The following RAB24 variants were observed in gnomAD, a reference collection of about 807,000 sequenced individuals.
RAB24 encodes RAB24, member RAS oncogene family.
A neutral mutation model predicts 31.4 loss-of-function variants in RAB24; 9 were observed. The observed-to-expected ratio is 0.29, with a 90% CI of 0.17 to 0.50. RAB24 has a LOEUF of 0.50. RAB24 is among the 20% of genes least tolerant of loss of function. RAB24 has a pLI of 0.98. For synonymous variants in RAB24, 106 were observed against 94.1 expected, an observed-to-expected ratio of 1.13 and a Z score of -0.73; for missense variants, 197 against 265.2, an observed-to-expected ratio of 0.74 and a Z score of 1.79.
At position 177,302,583 on chromosome 5, in the gene RAB24, T is replaced by C. The variant is rs1175603286; in HGVS notation, c.327A>G (p.Leu109=). ...AKFWVKELRS[L]EEGCQIYLCG... ...GTGAGGTCTGTTCACCTACCTCCTC[T>C]AGGCTGCGCAGTTCCTTCACCCAGA... The change falls in exon 4 of 8, where the codon CTA becomes CTG. Residue 109 remains leucine (L), a synonymous_variant. Coordinates refer to ENST00000303251, the MANE Select transcript of RAB24 (RefSeq NM_001031677.4). The C allele has an allele frequency of 2.0e-5, 33 of 1,614,046 alleles. No homozygotes were observed. The highest frequency in any genetic ancestry group is 2.7e-5 in the Non-Finnish European group (32 of 1,180,034).
chr5:177,303,393 C>A lies in RAB24; in HGVS notation c.-105G>T, dbSNP rs1760754274. ...GCGCCCAAGCCTCAGACCCCGACCC[C>A]AAACGGCGCCAACCTACGACTCCAG... On this transcript the variant is annotated 5_prime_UTR_variant, in exon 1 of 8. Transcript: ENST00000303251. The surrounding 1 kb of genome is among the most constrained non-coding windows in gnomAD (Gnocchi z 6.1). The A allele has an allele frequency of 9.1e-7, 1 of 1,093,664 alleles. No homozygotes were observed. Among genetic ancestry groups the A allele is most frequent in the Non-Finnish European group, 1.4e-6 (1 of 739,426 alleles). The allele number at this position is 1,093,664 out of a possible 1,614,324, so 67.7% of individuals were successfully genotyped here. A position where few individuals can be genotyped will look rare whatever the true frequency, so the allele number is the denominator to read the frequency against.
In RAB24 at chr5:177,302,634, G is replaced by A; in HGVS notation, c.276C>T (p.Asp92=). 6.2e-7 allele frequency: 1 copy of A among 1,614,106 alleles called. No homozygotes were observed. The highest frequency in any genetic ancestry group is 8.5e-7 in the Non-Finnish European group (1 of 1,180,024). The change falls in exon 4 of 8, where the codon GAC becomes GAT. Residue 92 remains aspartate (D), a synonymous_variant. Transcript: ENST00000303251. ...ACTTTGCTCGCTCAAAGCTGCTGCT[G>A]TCTGTGAGGTCTTGGTGTGCGGCAT... The part of the protein sequence containing the change: ...KAAIVCYDLT[D]SSSFERAKFW...
At position 177,302,744 on chromosome 5, in the gene RAB24, C is replaced by G. The variant is rs1461391268; in HGVS notation, c.265+8G>C. The G allele has an allele frequency of 1.2e-6, 2 of 1,602,334 alleles. No homozygotes were observed. Among genetic ancestry groups the G allele is most frequent in the Non-Finnish European group, 1.7e-6 (2 of 1,170,088 alleles). ...TTGTGAGACAGCCCAAACCCCCCCCCCCCTTACCATAGCAGACGATGGCAG... is the reference window on the plus strand; with the variant it reads ...TTGTGAGACAGCCCAAACCCCCCCCGCCCTTACCATAGCAGACGATGGCAG... On this transcript the variant is annotated splice_region_variant and intron_variant, in intron 3 of 7. Coordinates refer to ENST00000303251, the MANE Select transcript of RAB24 (RefSeq NM_001031677.4).
At position 177,301,935 on chromosome 5, in the gene RAB24, C is replaced by G; in HGVS notation, c.537G>C (p.Gln179His). 6.2e-7 allele frequency: 1 copy of G among 1,614,228 alleles called. No individual in the cohort carries two copies. The highest frequency in any genetic ancestry group is 8.5e-7 in the Non-Finnish European group (1 of 1,180,024). Reference protein sequence around the residue: ...AEDYVSVAAFQVMTEDKGVDL... With the variant: ...AEDYVSVAAFHVMTEDKGVDL... ...TGGGGAAGCACACACCTGTCATCACCTGGAAGGCAGCCACACTGACGTAAT... is the reference window on the plus strand; with the variant it reads ...TGGGGAAGCACACACCTGTCATCACGTGGAAGGCAGCCACACTGACGTAAT... Residue 179 changes from glutamine (Q) to histidine (H), a missense_variant, in exon 7 of 8, where the codon CAG (glutamine) becomes CAC (histidine). Transcript: ENST00000303251.
At chr5:177,302,314 G>A in intron 5 of RAB24, 83 bp downstream of exon 5, 1 of 1,570,386 alleles carries the variant, frequency 6.4e-7, no homozygotes, top group Non-Finnish European at 8.8e-7. Context: ...ACCTTGCCCT[G>A]GCAGCCAAGG....
rs202005238 is a variant in RAB24 at position 177,301,702 on chromosome 5, G to A, written c.*41C>T. 529 of 1,606,734 alleles carry A rather than the reference G, an allele frequency of 3.3e-4. 3 individuals carry two copies. Among genetic ancestry groups the A allele is most frequent in the Non-Finnish European group, 1.2e-4 (144 of 1,173,410 alleles). ...GAAAGGAGCTGGGTCCAGCCCTTACGGGGAATTCCTTTAATTCCCCCAGGC... is the reference window on the plus strand; with the variant it reads ...GAAAGGAGCTGGGTCCAGCCCTTACAGGGAATTCCTTTAATTCCCCCAGGC... On this transcript the variant is annotated 3_prime_UTR_variant, in exon 8 of 8. Coordinates refer to ENST00000303251, the MANE Select transcript of RAB24 (RefSeq NM_001031677.4).
At chr5:177,302,250 C>G in intron 5 of RAB24, 72 bp from the exon 6 acceptor site, 4 of 1,587,376 alleles carry the variant, frequency 2.5e-6, no homozygotes, top group Non-Finnish European at 3.5e-6. Flanking sequence ...GCTAGCAGTT[C>G]AGGGAGTCTC....
chr5:177,303,557 GTCC>G lies in RAB24; in HGVS notation c.-272_-270del, dbSNP rs1760760783. On this transcript the variant is annotated 5_prime_UTR_variant, in exon 1 of 8. Coordinates refer to ENST00000303251, the MANE Select transcript of RAB24 (RefSeq NM_001031677.4). The surrounding 1 kb of genome is among the most constrained non-coding windows in gnomAD (Gnocchi z 6.1). ...GCGGCCTGGGAGCGCGCGGGACAGC[GTCC>G]TCAACAGCGCAGCACGCCGCCGTGC... The G allele has an allele frequency of 1.8e-6, 1 of 565,346 alleles. No individual in the cohort carries two copies. The highest frequency in any genetic ancestry group is 3.0e-5 in the East Asian group (1 of 33,434). The allele number at this position is 565,346 out of a possible 1,614,324, so 35.0% of individuals were successfully genotyped here.
chr5:177,301,574 A>G lies in RAB24; in HGVS notation c.*169T>C, dbSNP rs1760650524. The G allele has an allele frequency of 2.8e-6, 2 of 715,588 alleles. No individual in the cohort carries two copies. Among genetic ancestry groups the G allele is most frequent in the Non-Finnish European group, 4.7e-6 (2 of 428,650 alleles). The allele number at this position is 715,588 out of a possible 1,614,324, so 44.3% of individuals were successfully genotyped here. On this transcript the variant is annotated 3_prime_UTR_variant, in exon 8 of 8. Transcript: ENST00000303251. ...CAGCCTTATCCCTCCTCATGCCCAC[A>G]GTCAGCCCAATGCTGTCTCCGTTCC...
Position 177,301,609 on chromosome 5 carries a change from C to T in RAB24, c.*134G>A. The T allele has an allele frequency of 2.0e-6, 2 of 999,160 alleles. No individual in the cohort carries two copies. Among genetic ancestry groups the T allele is most frequent in the Non-Finnish European group, 3.0e-6 (2 of 658,234 alleles). 61.9% of individuals were successfully genotyped at this position (999,160 alleles called of 1,614,324 possible). ...ATGCTGTCTCCGTTCCATGGGCCAG[C>T]ACAGGCAGGCGCCACTCTGCTGACA... On this transcript the variant is annotated 3_prime_UTR_variant, in exon 8 of 8. Transcript: ENST00000303251.
chr5:177,303,449 G>A lies in RAB24; in HGVS notation c.-161C>T. The A allele has an allele frequency of 1.5e-6, 1 of 659,184 alleles. No individual in the cohort carries two copies. Among genetic ancestry groups the A allele is most frequent in the South Asian group, 1.8e-5 (1 of 54,580 alleles). 40.8% of individuals were successfully genotyped at this position (659,184 alleles called of 1,614,324 possible). On this transcript the variant is annotated 5_prime_UTR_variant, in exon 1 of 8. Transcript: ENST00000303251. This position sits in a 1 kb window ranked among gnomAD's most constrained non-coding sequence, Gnocchi z 6.1. ...GCGTCGGGCTCGAGCTCTGGCCGTGGCCTTGCACTTCGGCAGCGCCCCGTG... is the reference window on the plus strand; with the variant it reads ...GCGTCGGGCTCGAGCTCTGGCCGTGACCTTGCACTTCGGCAGCGCCCCGTG...
At chr5:177,302,683 G>A (rs745888566) in intron 3 of RAB24, 39 bp from the exon 4 acceptor site, 4 of 1,613,706 alleles carry the variant, frequency 2.5e-6, no homozygotes, top group East Asian at 2.2e-5. Context: ...AAGTGGTCAA[G>A]GGCTGTTCTC....
rs919507509 is a variant in RAB24, at chr5:177,303,520, C to T, written c.-232G>A. On this transcript the variant is annotated 5_prime_UTR_variant, in exon 1 of 8. Transcript: ENST00000303251. This position sits in a 1 kb window ranked among gnomAD's most constrained non-coding sequence, Gnocchi z 6.1. Reference sequence around the variant, plus strand: ...GGGCGCCGATTATCCTTCGAAGACCCCAAGCCTCGGGGCGGCCTGGGAGCG... The same window carrying T: ...GGGCGCCGATTATCCTTCGAAGACCTCAAGCCTCGGGGCGGCCTGGGAGCG... 3.4e-5 allele frequency: 20 copies of T among 593,012 alleles called. No homozygotes were observed. The highest frequency in any genetic ancestry group is 5.4e-5 in the Non-Finnish European group (18 of 332,900). The allele number at this position is 593,012 out of a possible 1,614,324, so 36.7% of individuals were successfully genotyped here.
Position 177,303,385 on chromosome 5 carries a change from C to G in RAB24, c.-97G>C. The stretch of plus-strand genomic sequence containing the variant: ...CCCAGGCAGCGCCCAAGCCTCAGAC[C>G]CCGACCCCAAACGGCGCCAACCTAC... On this transcript the variant is annotated 5_prime_UTR_variant, in exon 1 of 8. Coordinates refer to ENST00000303251, the MANE Select transcript of RAB24 (RefSeq NM_001031677.4). This position sits in a 1 kb window ranked among gnomAD's most constrained non-coding sequence, Gnocchi z 6.1. The G allele has an allele frequency of 2.4e-6, 3 of 1,232,662 alleles. No individual in the cohort carries two copies. Among genetic ancestry groups the G allele is most frequent in the Non-Finnish European group, 3.5e-6 (3 of 857,980 alleles). The allele number at this position is 1,232,662 out of a possible 1,614,324, so 76.4% of individuals were successfully genotyped here.
Position 177,303,073 on chromosome 5 carries a change from A to G in RAB24, c.122T>C (p.Ile41Thr). 6.2e-7 allele frequency: 1 copy of G among 1,614,086 alleles called. No homozygotes were observed. The highest frequency in any genetic ancestry group is 8.5e-7 in the Non-Finnish European group (1 of 1,180,028). ...CACCTTGGCCACGAAGGCGGCCCCG[A>G]TGGTCTGCAACGAGAGGGAAGAGAT... ...RFLVGPYQNT[I>T]GAAFVAKVMS... Residue 41 changes from isoleucine (I) to threonine (T), a missense_variant, in exon 2 of 8, where the codon ATC (isoleucine) becomes ACC (threonine). Coordinates refer to ENST00000303251, the MANE Select transcript of RAB24 (RefSeq NM_001031677.4). The surrounding 1 kb of genome is among the most constrained non-coding windows in gnomAD (Gnocchi z 6.1).
chr5:177,302,738 C>T lies in RAB24; in HGVS notation c.265+14G>A, dbSNP rs760414518. 2 of 1,159,980 alleles carry T rather than the reference C, an allele frequency of 1.7e-6. No individual in the cohort carries two copies. The highest frequency in any genetic ancestry group is 2.7e-5 in the East Asian group (1 of 36,374). The allele number at this position is 1,159,980 out of a possible 1,614,324, so 71.9% of individuals were successfully genotyped here. ...CTTTTCTTGTGAGACAGCCCAAACC[C>T]CCCCCCCCCTTACCATAGCAGACGA... On this transcript the variant is annotated intron_variant, in intron 3 of 7. Coordinates refer to ENST00000303251, the MANE Select transcript of RAB24 (RefSeq NM_001031677.4).
chr5:177,302,011 C>A lies in RAB24; in HGVS notation c.485-24G>T, dbSNP rs376678813. 7.4e-6 allele frequency: 12 copies of A among 1,613,538 alleles called. No individual in the cohort carries two copies. In the African/African-American group the frequency reaches 1.3e-4, roughly 18 times the overall value. ...GTCTGGCAGGAAAAATGATGATCAG[C>A]GAGGGCCCAATGCCAGTAGCCCTGG... On this transcript the variant is annotated intron_variant, in intron 6 of 7. Transcript: ENST00000303251.
rs1218794775 is a variant in RAB24, at chr5:177,301,305, G to A, written c.*438C>T. 5 of 198,558 alleles carry A rather than the reference G, an allele frequency of 2.5e-5. No individual in the cohort carries two copies. Among genetic ancestry groups the A allele is most frequent in the East Asian group, 1.3e-4 (1 of 7,916 alleles). The allele number at this position is 198,558 out of a possible 1,614,324, so 12.3% of individuals were successfully genotyped here. A position where few individuals can be genotyped will look rare whatever the true frequency, so the allele number is the denominator to read the frequency against. ...ACTACTACAGCCCCAGTATCTCAGC[G>A]GTAACCATGGGGAAAAAAGTCTTGT... On this transcript the variant is annotated 3_prime_UTR_variant, in exon 8 of 8. Coordinates refer to ENST00000303251, the MANE Select transcript of RAB24 (RefSeq NM_001031677.4).
In RAB24 at chr5:177,301,649, A is replaced by G; in HGVS notation, c.*94T>C. ...CTCTGCTGACATGAGGACCTGGGGTAGCTCAGACATTTGACTACCCAAGCC... is the reference window on the plus strand; with the variant it reads ...CTCTGCTGACATGAGGACCTGGGGTGGCTCAGACATTTGACTACCCAAGCC... On this transcript the variant is annotated 3_prime_UTR_variant, in exon 8 of 8. Coordinates refer to ENST00000303251, the MANE Select transcript of RAB24 (RefSeq NM_001031677.4). 7.1e-7 allele frequency: 1 copy of G among 1,403,206 alleles called. No homozygotes were observed. Among genetic ancestry groups the G allele is most frequent in the Non-Finnish European group, 1.0e-6 (1 of 994,112 alleles). 86.9% of individuals were successfully genotyped at this position (1,403,206 alleles called of 1,614,324 possible).
Sources: allele counts gnomAD v4.1 joint callset, GRCh38; gene constraint gnomAD v4.1.1; non-coding constraint Gnocchi (gnomAD v3.1); transcripts MANE v1.5; gene names NCBI Gene and HGNC (gene_info 2026-07-23, HGNC 2026-07-21).